The following TMTC2 variants were observed in gnomAD, a reference collection of about 807,000 sequenced individuals.
The protein encoded by TMTC2 is protein O-mannosyl-transferase TMTC2.
Under a neutral mutation model 82.4 loss-of-function variants are expected in TMTC2, and 43 were observed. The observed-to-expected ratio is 0.52, with a 90% CI of 0.41 to 0.67. The LOEUF (loss-of-function observed/expected upper bound fraction) is 0.67. TMTC2 is among the 30% of genes least tolerant of loss of function. The pLI, the probability that TMTC2 is intolerant of heterozygous loss-of-function variation, is 0.00. For missense variants in TMTC2, 919 were observed against 1,012.4 expected (o/e 0.91, Z 1.25); for synonymous variants, 408 against 381.9 (o/e 1.07, Z -0.80).
At position 82,732,728 on chromosome 12, in the gene TMTC2, G is replaced by T. The variant is rs1407200306; in HGVS notation, c.83+45059G>T. 3.3e-5 allele frequency among the ~76,000 whole-genome samples: 5 copies of T among 152,338 alleles called. No individual in the cohort carries two copies. In the South Asian group the frequency reaches 1.0e-3, roughly 32 times the overall value. On this transcript the variant is annotated intron_variant, in intron 1 of 11. Transcript: ENST00000321196. ...TGAGGACTAATTTTGGTTTCCAGCT[G>T]TGTGGAAGTGTAGTTTAATCTGTAT...
chr12:82,992,217 G>C (rs912857216), intron 8 of TMTC2, among the ~76,000 whole-genome samples: 1 of 152,332 alleles, frequency 6.6e-6, no homozygotes, highest in South Asian at 2.1e-4. Context: ...ATGTAATGCA[G>C]TGTGTTTCCA....
intron 4 of TMTC2, among the ~76,000 whole-genome samples, chr12:82,937,779 TATATATATATATATATACACAC>T (rs1876447823): frequency 4.6e-5 from 1 of 21,870 alleles, no homozygotes; most frequent in Admixed American, 5.5e-4. Context: ...TATATATATA[TATATATATATATATATACACAC>T]ATATATATAT....
At chr12:83,067,299 A>T (rs1162850684) in intron 11 of TMTC2, among the ~76,000 whole-genome samples, 1 of 152,044 alleles carries the variant, frequency 6.6e-6, no homozygotes, top group Non-Finnish European at 1.5e-5. Context: ...TGTAAGACTT[A>T]TGCAGTAATG....
intron 4 of TMTC2, among the ~76,000 whole-genome samples, chr12:82,938,383 G>A (rs1414142737): frequency 2.0e-5 from 3 of 152,112 alleles, no homozygotes; most frequent in Admixed American, 6.6e-5. Context: ...GAGGACTGGT[G>A]GAAATGTGAG....
At position 82,957,591 on chromosome 12, in the gene TMTC2, G is replaced by T. The variant is rs921456528; in HGVS notation, c.1599-7433G>T. 1.1e-4 allele frequency among the ~76,000 whole-genome samples: 17 copies of T among 152,050 alleles called. No individual in the cohort carries two copies. The East Asian group carries it at 1.4e-3, about 12-fold the overall frequency. ...AAAGAATCAATGAACCCAAAAGTTGGTTTTTTTAAAGGATAAAGAAGATCT... is the reference window on the plus strand; with the variant it reads ...AAAGAATCAATGAACCCAAAAGTTGTTTTTTTTAAAGGATAAAGAAGATCT... On this transcript the variant is annotated intron_variant, in intron 4 of 11. Transcript: ENST00000321196.
intron 2 of TMTC2, among the ~76,000 whole-genome samples, chr12:82,881,994 ATTT>A (rs869127384): frequency 2.8e-5 from 3 of 107,268 alleles, no homozygotes; most frequent in African/African-American, 4.3e-5. Flanking sequence ...TGTTGTTAAG[ATTT>A]TTTTTTTTTT....
chr12:82,873,936 C>T (rs1872343447), intron 2 of TMTC2, among the ~76,000 whole-genome samples: 1 of 152,110 alleles, frequency 6.6e-6, no homozygotes, highest in Non-Finnish European at 1.5e-5. Context: ...TTATTGCTTC[C>T]TAGAGGCAAA....
intron 1 of TMTC2, among the ~76,000 whole-genome samples, chr12:82,737,033 T>G (rs1385854804): frequency 1.3e-5 from 2 of 152,164 alleles, no homozygotes; most frequent in Non-Finnish European, 1.5e-5. Context: ...TTATGACCGG[T>G]AAAATAAAAA....
chr12:82,715,243 C>A (rs1195109746), intron 1 of TMTC2, among the ~76,000 whole-genome samples: 1 of 151,216 alleles, frequency 6.6e-6, no homozygotes, highest in Non-Finnish European at 1.5e-5. Flanking sequence ...CCACTGCACT[C>A]CAGCCTGGGC....
At chr12:83,027,285 T>TA (rs1881222815) in intron 8 of TMTC2, among the ~76,000 whole-genome samples, 1 of 152,168 alleles carries the variant, frequency 6.6e-6, no homozygotes, top group African/African-American at 2.4e-5. Context: ...TAAATTTGAT[T>TA]AAACATCATA....
chr12:82,985,857 A>C (rs1032313093), intron 7 of TMTC2, 68 bp from the exon 8 acceptor site: 32 of 1,551,864 alleles, frequency 2.1e-5, no homozygotes, highest in Admixed American at 8.7e-5. Context: ...GATGATGATG[A>C]TGCTGTTGCA....
At chr12:82,809,584 A>G (rs1879395883) in intron 1 of TMTC2, among the ~76,000 whole-genome samples, 1 of 152,170 alleles carries the variant, frequency 6.6e-6, no homozygotes, top group Admixed American at 6.5e-5. Context: ...GGATTTTTAA[A>G]AATCTTATTG....
chr12:82,756,504 C>G (rs1314216006), intron 1 of TMTC2, among the ~76,000 whole-genome samples: 1 of 152,220 alleles, frequency 6.6e-6, no homozygotes, highest in Non-Finnish European at 1.5e-5. Flanking sequence ...GGTATTACTG[C>G]TTCCAGATTT....
At chr12:83,058,936 G>A (rs565248579) in intron 10 of TMTC2, among the ~76,000 whole-genome samples, 109 of 151,824 alleles carry the variant, frequency 7.2e-4, no homozygotes, top group African/African-American at 1.8e-3. Flanking sequence ...CATTATCCTC[G>A]TTTTTAAAAT....
At chr12:82,850,574 G>A (rs183169358) in intron 1 of TMTC2, among the ~76,000 whole-genome samples, 1 of 152,130 alleles carries the variant, frequency 6.6e-6, no homozygotes. Flanking sequence ...CCACATTTGG[G>A]AGGGTTAGAA....
At chr12:82,712,128 G>A (rs7303441) in intron 1 of TMTC2, among the ~76,000 whole-genome samples, 142,989 of 152,226 alleles carry the variant, frequency 0.94, 67,416 homozygotes, top group Non-Finnish European at 0.99. Flanking sequence ...ACACTAAACC[G>A]AGGTTTAAGA....
At chr12:82,858,532 T>C (rs552998153) in intron 2 of TMTC2, among the ~76,000 whole-genome samples, 10 of 152,374 alleles carry the variant, frequency 6.6e-5, no homozygotes, top group South Asian at 4.1e-4. Context: ...TGTCAAGTTT[T>C]CCTAGTTTTG....
At position 82,922,498 on chromosome 12, in the gene TMTC2, C is replaced by T. The variant is rs1875455256; in HGVS notation, c.1484-7933C>T. ...TTTGTTTCCTTTCTTTTCCTACCTT[C>T]CTTTTCCTTCTCTTTCTCTTTTTTT... On this transcript the variant is annotated intron_variant, in intron 3 of 11. Transcript: ENST00000321196. Among the ~76,000 whole-genome samples, 4 of 152,048 alleles carry T rather than the reference C, an allele frequency of 2.6e-5. No individual in the cohort carries two copies. In the South Asian group the frequency reaches 8.3e-4, roughly 32 times the overall value.
At chr12:82,978,782 G>A (rs1189657351) in intron 7 of TMTC2, among the ~76,000 whole-genome samples, 1 of 151,716 alleles carries the variant, frequency 6.6e-6, no homozygotes, top group Admixed American at 6.6e-5. Flanking sequence ...CAGAAAATTA[G>A]GTTTGAAGCC....
Sources: gnomAD v4.1 joint callset for allele counts (sites outside exome capture counted in the v4.1 genomes callset) on GRCh38, gnomAD v4.1.1 for gene constraint, MANE v1.5 for transcripts, NCBI Gene and HGNC (gene_info 2026-07-23, HGNC 2026-07-21) for gene names.